The following PLEKHG1 variants were observed in gnomAD, a reference collection of about 807,000 sequenced individuals.
PLEKHG1 encodes the protein pleckstrin homology domain-containing family G member 1.
Under a neutral mutation model 100.8 loss-of-function variants are expected in PLEKHG1, and 44 were observed. That is an observed-to-expected ratio of 0.44 (90% CI 0.34 to 0.56). The LOEUF (loss-of-function observed/expected upper bound fraction) is 0.56. PLEKHG1 is among the 20% of genes least tolerant of loss of function. The pLI is 0.01. For missense variants in PLEKHG1, 1,545 were observed against 1,720.9 expected (o/e 0.90, Z 1.81); for synonymous variants, 640 against 662.5 (o/e 0.97, Z 0.52).
At chr6:150,794,413 C>T (rs1235051230) in intron 4 of PLEKHG1, among the ~76,000 whole-genome samples, 2 of 152,180 alleles carry the variant, frequency 1.3e-5, no homozygotes, top group African/African-American at 4.8e-5. Context: ...TGCCTATAAT[C>T]CCAACACTTT....
intron 2 of PLEKHG1, among the ~76,000 whole-genome samples, chr6:150,749,823 C>T (rs1284251491): frequency 6.6e-6 from 1 of 152,144 alleles, no homozygotes; most frequent in African/African-American, 2.4e-5. Flanking sequence ...CCTGTAATCC[C>T]AGCACTTTGG....
intron 14 of PLEKHG1, among the ~76,000 whole-genome samples, chr6:150,825,792 A>C (rs1776564504): frequency 2.6e-5 from 4 of 152,228 alleles, no homozygotes; most frequent in Admixed American, 2.6e-4. Flanking sequence ...TTAGTTTCCT[A>C]ATTTACAGAA....
At chr6:150,718,032 A>G (rs982649974), upstream of PLEKHG1, among the ~76,000 whole-genome samples, 1 of 152,196 alleles carries the variant, frequency 6.6e-6, no homozygotes, top group Non-Finnish European at 1.5e-5. Flanking sequence ...AGGCCGAGAT[A>G]GTGACACTGC....
At chr6:150,708,214 G>T in intron 3 of PLEKHG1, among the ~76,000 whole-genome samples, 1 of 152,078 alleles carries the variant, frequency 6.6e-6, no homozygotes, top group South Asian at 2.1e-4. Context: ...GTCATTCTCA[G>T]GCTGTCCAAA....
intron 1 of PLEKHG1, among the ~76,000 whole-genome samples, chr6:150,601,703 C>T (rs1380725356): frequency 1.3e-5 from 2 of 152,338 alleles, no homozygotes; most frequent in Non-Finnish European, 1.5e-5. Flanking sequence ...CCACAGTCAA[C>T]AGCAATGGCT....
At chr6:150,631,317 A>G (rs1777737444) in intron 1 of PLEKHG1, among the ~76,000 whole-genome samples, 1 of 152,050 alleles carries the variant, frequency 6.6e-6, no homozygotes, top group Non-Finnish European at 1.5e-5. Context: ...CCTTTTTTCC[A>G]TCCAGCACCC....
intron 2 of PLEKHG1, among the ~76,000 whole-genome samples, chr6:150,742,004 T>C (rs1011474518): frequency 2.6e-5 from 4 of 152,212 alleles, no homozygotes; most frequent in Non-Finnish European, 5.9e-5. Context: ...AGGACAAAAT[T>C]GTCCCTGGTT....
chr6:150,652,552 C>T lies in PLEKHG1; in HGVS notation c.-99+1766C>T, dbSNP rs569913205. Among the ~76,000 whole-genome samples the T allele has an allele frequency of 2.5e-3, 373 of 151,916 alleles. 3 individuals are homozygous for T. The highest frequency in any genetic ancestry group is 3.8e-3 in the Non-Finnish European group (259 of 67,966). On this transcript the variant is annotated intron_variant, in intron 3 of 3. Transcript: ENST00000367326. ...CCTGGCCAACATAGTGAAACCCCGT[C>T]GCTATTAAAAATACAAAATTAGCTG...
chr6:150,758,765 C>T lies in PLEKHG1; in HGVS notation c.412-9873C>T, dbSNP rs771702815. 6.6e-4 allele frequency among the ~76,000 whole-genome samples: 100 copies of T among 152,316 alleles called. 1 individual carries two copies. Among genetic ancestry groups the T allele is most frequent in the Admixed American group, 5.2e-4 (8 of 15,294 alleles). ...TCATATGTTGTCTGTGATACGGATG[C>T]TCTTCTACACAGCTCCTGAACCTCT... On this transcript the variant is annotated intron_variant, in intron 2 of 15. Coordinates refer to ENST00000358517, the Ensembl canonical transcript of PLEKHG1.
At chr6:150,835,482 T>C (rs1777177272) in intron 15 of PLEKHG1, among the ~76,000 whole-genome samples, 1 of 152,180 alleles carries the variant, frequency 6.6e-6, no homozygotes, top group Non-Finnish European at 1.5e-5. Context: ...TTCTAAATTT[T>C]TGTCTGAGAT....
exon 12 of PLEKHG1, chr6:150,819,686 A>G: frequency 6.2e-7 from 1 of 1,604,250 alleles, no homozygotes; most frequent in Non-Finnish European, 8.5e-7. Context: ...CAGATCATCC[A>G]GGCTTCTGTT....
intron 2 of PLEKHG1, among the ~76,000 whole-genome samples, chr6:150,755,070 G>C (rs1783752292): frequency 6.6e-6 from 1 of 151,708 alleles, no homozygotes; most frequent in South Asian, 2.1e-4. Flanking sequence ...TGATCTCCTG[G>C]GCTCAAGCAA....
intron 1 of PLEKHG1, among the ~76,000 whole-genome samples, chr6:150,721,735 G>A (rs1050509471): frequency 1.3e-5 from 2 of 152,074 alleles, no homozygotes; most frequent in Non-Finnish European, 1.5e-5. Flanking sequence ...AGTGTTTCTC[G>A]GTAAGAAACA....
chr6:150,687,512 A>AT (rs1419146262), intron 3 of PLEKHG1, among the ~76,000 whole-genome samples: 1 of 152,218 alleles, frequency 6.6e-6, no homozygotes, highest in Non-Finnish European at 1.5e-5. Context: ...AAGGGTTATT[A>AT]TGGCCTTTTT....
intron 2 of PLEKHG1, among the ~76,000 whole-genome samples, chr6:150,643,709 C>T (rs1778366479): frequency 6.6e-6 from 1 of 152,160 alleles, no homozygotes. Flanking sequence ...ATTCACTTTG[C>T]AATTCCTCAT....
chr6:150,755,827 G>A (rs934475461), intron 2 of PLEKHG1, among the ~76,000 whole-genome samples: 3 of 152,012 alleles, frequency 2.0e-5, no homozygotes, highest in Non-Finnish European at 4.4e-5. Context: ...AGATAAATCC[G>A]TCCTGGGAAA....
chr6:150,715,481 TTTC>T (rs1183231176), intron 3 of PLEKHG1, among the ~76,000 whole-genome samples: 2 of 137,650 alleles, frequency 1.5e-5, no homozygotes, highest in Admixed American at 1.7e-4. Context: ...CACTATTTTT[TTTC>T]TTTTTCTTTT....
At chr6:150,658,199 C>T (rs563514835) in intron 3 of PLEKHG1, among the ~76,000 whole-genome samples, 1 of 152,184 alleles carries the variant, frequency 6.6e-6, no homozygotes, top group South Asian at 2.1e-4. Context: ...TGCATTATAC[C>T]GTCATGCCTT....
intron 1 of PLEKHG1, among the ~76,000 whole-genome samples, chr6:150,732,532 G>A (rs1222594017): frequency 6.6e-6 from 1 of 152,228 alleles, no homozygotes; most frequent in Non-Finnish European, 1.5e-5. Context: ...ACATCACAGA[G>A]TATAATCACA....
Sources: allele counts gnomAD v4.1 joint callset (sites outside exome capture counted in the v4.1 genomes callset), GRCh38; gene constraint gnomAD v4.1.1; transcripts MANE v1.5; gene names NCBI Gene and HGNC (gene_info 2026-07-23, HGNC 2026-07-21).